Variants in GATAD2B observed in about 807,000 individuals in gnomAD.
GATAD2B encodes transcriptional repressor p66-beta.
GATAD2B carries 8 observed loss-of-function variants against 64.3 expected under a neutral mutation model. That is an observed-to-expected ratio of 0.12 (90% CI 0.07 to 0.22). GATAD2B has a LOEUF of 0.22. Among genes scored for constraint, GATAD2B ranks in the 10% least tolerant of loss-of-function variants. GATAD2B has a pLI of 1.00. For missense variants in GATAD2B, 453 were observed against 752.0 expected (o/e 0.60, Z 4.65); for synonymous variants, 281 against 271.3 (o/e 1.04, Z -0.35).
intron 1 of GATAD2B, among the ~76,000 whole-genome samples, chr1:153,851,110 C>G (rs1017463915): frequency 6.6e-6 from 1 of 151,950 alleles, no homozygotes; most frequent in African/African-American, 2.4e-5. Context: ...TCCCCAATTT[C>G]TCCTCCCCCT....
chr1:153,885,667 C>T (rs1161276808), intron 1 of GATAD2B, among the ~76,000 whole-genome samples: 1 of 151,908 alleles, frequency 6.6e-6, no homozygotes, highest in Non-Finnish European at 1.5e-5. Context: ...TTGAGACCAT[C>T]CTGGCTAACA....
chr1:153,829,342 G>T (rs1674996284), intron 1 of GATAD2B, among the ~76,000 whole-genome samples: 1 of 152,162 alleles, frequency 6.6e-6, no homozygotes, highest in South Asian at 2.1e-4. Flanking sequence ...AAGAAACACA[G>T]TTTAAAATTG....
rs201611178 is a variant in GATAD2B at position 153,818,145 on chromosome 1, A to C, written c.624T>G (p.Ser208=). ...CATGGGCAGGAGATGGCTGAACAATAGATGCTGCATTCTGTACAACTGGAG... is the reference window on the plus strand; with the variant it reads ...CATGGGCAGGAGATGGCTGAACAATCGATGCTGCATTCTGTACAACTGGAG... ...QKTPVVQNAA[S]IVQPSPAHVG... The change falls in exon 5 of 11, where the codon TCT becomes TCG. Residue 208 remains serine, a synonymous_variant. Coordinates refer to ENST00000368655, the MANE Select transcript of GATAD2B (RefSeq NM_020699.4). 2 of 1,612,504 alleles carry C rather than the reference A, an allele frequency of 1.2e-6. No individual in the cohort carries two copies. The highest frequency in any genetic ancestry group is 2.7e-5 in the African/African-American group (2 of 74,920).
At chr1:153,826,298 C>T (rs1044009236) in intron 2 of GATAD2B, among the ~76,000 whole-genome samples, 1 of 151,984 alleles carries the variant, frequency 6.6e-6, no homozygotes. Context: ...GGATTACAGG[C>T]GTGAGCCACC....
chr1:153,910,786 A>C (rs1403936382), intron 1 of GATAD2B, among the ~76,000 whole-genome samples: 1 of 152,124 alleles, frequency 6.6e-6, no homozygotes, highest in Non-Finnish European at 1.5e-5. Context: ...AATAGGCTTT[A>C]TATTAAATAA....
At chr1:153,853,224 T>G in intron 1 of GATAD2B, 2 of 1,116,996 alleles carry the variant, frequency 1.8e-6, no homozygotes. Context: ...CAGAGCACAC[T>G]GGTCATGGCC....
Position 153,805,358 on chromosome 1 carries a change from G to A in GATAD2B, c.*4819C>T, listed in dbSNP as rs1674080600. The A allele has an allele frequency of 6.6e-6, 1 of 152,186 alleles. No individual in the cohort carries two copies. Among genetic ancestry groups the A allele is most frequent in the Non-Finnish European group, 1.5e-5 (1 of 68,040 alleles). 9.4% of individuals were successfully genotyped at this position (152,186 alleles called of 1,614,324 possible). ...ACACATCCTGTAGCTCACAAAGGGAGTAAATAACTAAAGCACCAACCTGGG... is the reference window on the plus strand; with the variant it reads ...ACACATCCTGTAGCTCACAAAGGGAATAAATAACTAAAGCACCAACCTGGG... On this transcript the variant is annotated 3_prime_UTR_variant, in exon 11 of 11. Coordinates refer to ENST00000368655, the MANE Select transcript of GATAD2B (RefSeq NM_020699.4).
At chr1:153,871,823 G>A (rs1393276325) in intron 1 of GATAD2B, among the ~76,000 whole-genome samples, 1 of 152,124 alleles carries the variant, frequency 6.6e-6, no homozygotes, top group East Asian at 1.9e-4. Context: ...GGTGGCCCGT[G>A]CCTGTAGTCC....
chr1:153,861,818 G>C (rs868396204), intron 1 of GATAD2B, among the ~76,000 whole-genome samples: 1 of 107,778 alleles, frequency 9.3e-6, no homozygotes, highest in Admixed American at 1.2e-4. Context: ...ATACACATAT[G>C]TATATATATG....
At chr1:153,825,908 G>T (rs1002689287) in intron 2 of GATAD2B, among the ~76,000 whole-genome samples, 2 of 152,028 alleles carry the variant, frequency 1.3e-5, no homozygotes, top group African/African-American at 4.8e-5. Flanking sequence ...CTTTGGATGA[G>T]TCCTACAACA....
chr1:153,873,034 G>A (rs1197620000), intron 1 of GATAD2B, among the ~76,000 whole-genome samples: 1 of 151,914 alleles, frequency 6.6e-6, no homozygotes, highest in African/African-American at 2.4e-5. Flanking sequence ...CCTGCTACTA[G>A]TTTGGTGCTA....
intron 1 of GATAD2B, among the ~76,000 whole-genome samples, chr1:153,909,557 T>G (rs1417257238): frequency 6.6e-6 from 1 of 151,522 alleles, no homozygotes; most frequent in Admixed American, 6.6e-5. Flanking sequence ...ATCACAGCAC[T>G]TTGGGAAGCC....
chr1:153,875,780 A>G (rs1676807783), intron 1 of GATAD2B, among the ~76,000 whole-genome samples: 1 of 152,000 alleles, frequency 6.6e-6, no homozygotes, highest in Non-Finnish European at 1.5e-5. Context: ...AGACAGGAAT[A>G]TCTATCTTGC....
intron 1 of GATAD2B, among the ~76,000 whole-genome samples, chr1:153,832,593 CTGAGA>C (rs1190096901): frequency 6.6e-6 from 1 of 152,198 alleles, no homozygotes; most frequent in Non-Finnish European, 1.5e-5. Context: ...TAAGATCTAG[CTGAGA>C]TAACCCACAA....
intron 1 of GATAD2B, among the ~76,000 whole-genome samples, chr1:153,857,860 T>C (rs979419389): frequency 1.3e-5 from 2 of 152,228 alleles, no homozygotes; most frequent in Non-Finnish European, 2.9e-5. Flanking sequence ...ACCTTCTTTC[T>C]GAAGGCTGGA....
At chr1:153,872,316 C>CAAAAAA (rs779386978) in intron 1 of GATAD2B, among the ~76,000 whole-genome samples, 2 of 58,702 alleles carry the variant, frequency 3.4e-5, no homozygotes, top group Admixed American at 1.8e-4. Context: ...ACTCTGTCTC[C>CAAAAAA]AAAAAAAAAA....
chr1:153,878,693 C>G (rs970277940), intron 1 of GATAD2B, among the ~76,000 whole-genome samples: 6 of 151,792 alleles, frequency 4.0e-5, no homozygotes, highest in Non-Finnish European at 8.8e-5. Flanking sequence ...CTCTCCCCAT[C>G]AGTGCTGTTA....
rs1301519567 is a variant in GATAD2B, at chr1:153,816,688, C to T, written c.901-100G>A. 2.8e-6 allele frequency: 2 copies of T among 708,122 alleles called. No individual in the cohort carries two copies. Among genetic ancestry groups the T allele is most frequent in the Non-Finnish European group, 4.7e-6 (2 of 426,544 alleles). The allele number at this position is 708,122 out of a possible 1,614,324, so 43.9% of individuals were successfully genotyped here. On this transcript the variant is annotated intron_variant, in intron 6 of 10. Transcript: ENST00000368655. The surrounding 1 kb of genome is among the most constrained non-coding windows in gnomAD (Gnocchi z 4.9). ...CACTGTCTGATCCTGGTTTGGACTA[C>T]TTAGCTTCTCCAAAAATAGGAGGTG...
intron 1 of GATAD2B, among the ~76,000 whole-genome samples, chr1:153,885,766 G>A (rs375786030): frequency 6.6e-6 from 1 of 151,634 alleles, no homozygotes; most frequent in African/African-American, 2.4e-5. Context: ...AGGAGGCTGA[G>A]GCAGAAGAAT....
Sources: gnomAD v4.1 joint callset for allele counts (sites outside exome capture counted in the v4.1 genomes callset) on GRCh38, gnomAD v4.1.1 for gene constraint, Gnocchi (gnomAD v3.1) non-coding constraint, MANE v1.5 for transcripts, NCBI Gene and HGNC (gene_info 2026-07-23, HGNC 2026-07-21) for gene names.